Variants in BCLAF3 observed in about 807,000 individuals in gnomAD.
BCLAF3 encodes transient octamer binding factor 1.
In BCLAF3, 24 loss-of-function variants were observed where a neutral mutation model predicts 51.2. That is an observed-to-expected ratio of 0.47 (90% CI 0.34 to 0.66). The LOEUF is 0.66. BCLAF3 is among the 30% of genes least tolerant of loss of function. The probability of loss-of-function intolerance (pLI) is 0.01; values close to 1 mark genes in which losing one functional copy is unlikely to be tolerated. For missense variants in BCLAF3, 465 were observed against 525.1 expected (o/e 0.89, Z 1.12); for synonymous variants, 152 against 176.6 (o/e 0.86, Z 1.10).
intron 8 of BCLAF3, among the ~76,000 whole-genome samples, chrX:19,945,251 T>C (rs1345287825): frequency 9.2e-6 from 1 of 108,746 alleles, no homozygotes; most frequent in Non-Finnish European, 1.9e-5. Context: ...AATTTGATCG[T>C]CTGAAGCCTT....
In BCLAF3 at chrX:19,966,159, T is replaced by C. The variant is rs753347728; in HGVS notation, c.532A>G (p.Arg178Gly). 3.3e-6 allele frequency: 4 copies of C among 1,211,668 alleles called. No individual in the cohort carries two copies. The East Asian group carries it at 1.2e-4, about 36-fold the overall frequency. The change falls in exon 3 of 12, where the codon AGG (arginine) becomes GGG (glycine). Residue 178 changes from arginine (R) to glycine (G), a missense_variant. By Grantham distance (125) the Arg-to-Gly change is moderately radical (BLOSUM62 -2). Transcript: ENST00000379682. The part of the protein sequence containing the change: ...KWHEDELRHQ[R>G]IQEEKYSQST... ...TGGGAGTATTTTTCTTCTTGTATCC[T>C]CTGGTGCCTCAACTCATCTTCATGC...
At chrX:19,944,813 C>A (rs1364990716) in intron 8 of BCLAF3, among the ~76,000 whole-genome samples, 1 of 88,453 alleles carries the variant, frequency 1.1e-5, no homozygotes, top group Non-Finnish European at 2.1e-5. Context: ...TGAATCTGAA[C>A]ATTGGCCTGC....
chrX:19,946,263 C>T (rs777093535), intron 8 of BCLAF3, among the ~76,000 whole-genome samples: 4 of 112,401 alleles, frequency 3.6e-5, no homozygotes, highest in South Asian at 3.7e-4. Context: ...AGCTGTAGAC[C>T]GGGGCTGTTC....
chrX:19,969,466 A>G (rs1270307321), intron 2 of BCLAF3, among the ~76,000 whole-genome samples: 1 of 112,331 alleles, frequency 8.9e-6, no homozygotes, highest in Non-Finnish European at 1.9e-5. Context: ...TTCTGCCTTT[A>G]GAAGTTCTAC....
In BCLAF3 at chrX:19,915,393, T is replaced by C; in HGVS notation, c.*1912A>G. 8.9e-6 allele frequency: 1 copy of C among 112,092 alleles called. No individual in the cohort carries two copies. Among genetic ancestry groups the C allele is most frequent in the Non-Finnish European group, 1.9e-5 (1 of 53,236 alleles). 9.2% of individuals were successfully genotyped at this position (112,092 alleles called of 1,213,427 possible). On this transcript the variant is annotated 3_prime_UTR_variant, in exon 12 of 12. Coordinates refer to ENST00000379682, the MANE Select transcript of BCLAF3 (RefSeq NM_001367774.2). ...TTATTTTATACTCTAAATTATAAAG[T>C]TGGTTTTTCCTTTTAGGCTTTAGAT...
intron 11 of BCLAF3, among the ~76,000 whole-genome samples, chrX:19,925,034 T>A (rs976599232): frequency 9.0e-6 from 1 of 111,289 alleles, no homozygotes; most frequent in African/African-American, 3.3e-5. Context: ...GGTGCCACAA[T>A]GGAATATGAC....
intron 10 of BCLAF3, among the ~76,000 whole-genome samples, chrX:19,934,936 A>AGCTTTGGAAGGCT (rs1393321493): frequency 5.3e-5 from 6 of 112,213 alleles, no homozygotes; most frequent in African/African-American, 1.9e-4. Flanking sequence ...CTGTAATCCC[A>AGCTTTGGAAGGCT]GCACTTTGGA....
At chrX:19,964,184 C>T (rs759685853) in intron 4 of BCLAF3, among the ~76,000 whole-genome samples, 1 of 111,005 alleles carries the variant, frequency 9.0e-6, no homozygotes, top group South Asian at 3.8e-4. Flanking sequence ...TCAACATGGC[C>T]CCCCCCTTTT....
Position 19,965,700 on chromosome X carries a change from A to G in BCLAF3, c.618T>C (p.Pro206=), listed in dbSNP as rs1485736374. The change falls in exon 4 of 12, where the codon CCT becomes CCC. Residue 206 remains proline (P), a synonymous_variant. Coordinates refer to ENST00000379682, the MANE Select transcript of BCLAF3 (RefSeq NM_001367774.2). ...ETRSSFQKRY[P]EDRDFRKYGH... is the part of the protein sequence containing the mutation. ...CATATTTTCTGAAATCACGATCCTC[A>G]GGATACCTGTGTTGACATAAAGCAG... is the stretch of plus-strand genomic sequence containing the variant. The G allele has an allele frequency of 8.8e-7, 1 of 1,132,379 alleles. No individual in the cohort carries two copies. Among genetic ancestry groups the G allele is most frequent in the East Asian group, 3.0e-5 (1 of 33,008 alleles). The allele number at this position is 1,132,379 out of a possible 1,213,427, so 93.3% of individuals were successfully genotyped here. A position where few individuals can be genotyped will look rare whatever the true frequency, so the allele number is the denominator to read the frequency against.
chrX:19,968,292 G>A (rs1603335298), intron 2 of BCLAF3, among the ~76,000 whole-genome samples: 3 of 112,566 alleles, frequency 2.7e-5, no homozygotes, highest in African/African-American at 6.4e-5. Context: ...CCTTGCGAGC[G>A]CCCTGTGAGC....
In BCLAF3 at chrX:19,966,636, C is replaced by T; in HGVS notation, c.55G>A (p.Val19Ile). 1 of 1,207,723 alleles carries T rather than the reference C, an allele frequency of 8.3e-7. No homozygotes were observed. Reference sequence around the variant, plus strand: ...TTGTAGTGTTCAGCATTTCTAGGTACTGGTGATAAAGACCTATGTAAACAA... The same window carrying T: ...TTGTAGTGTTCAGCATTTCTAGGTATTGGTGATAAAGACCTATGTAAACAA... The part of the protein sequence containing the change: ...PRWKHRSLSP[V>I]PRNAEHYKQR... The change falls in exon 3 of 12, where the codon GTA (valine) becomes ATA (isoleucine). Residue 19 changes from valine to isoleucine, a missense_variant. Coordinates refer to ENST00000379682, the MANE Select transcript of BCLAF3 (RefSeq NM_001367774.2).
chrX:19,950,425 A>G (rs1332913428), intron 8 of BCLAF3, among the ~76,000 whole-genome samples: 1 of 112,437 alleles, frequency 8.9e-6, no homozygotes, highest in Non-Finnish European at 1.9e-5. Context: ...AGAATGTATC[A>G]GAGTTTCAAT....
At chrX:19,981,300 A>G (rs1280814302) in intron 1 of BCLAF3, among the ~76,000 whole-genome samples, 1 of 112,371 alleles carries the variant, frequency 8.9e-6, no homozygotes, top group Non-Finnish European at 1.9e-5. Context: ...ATCTTGGATC[A>G]GGAAATGATT....
At chrX:19,935,679 C>T in intron 10 of BCLAF3, 130 bp downstream of exon 10, 2 of 515,003 alleles carry the variant, frequency 3.9e-6, no homozygotes, top group South Asian at 3.7e-5. Flanking sequence ...TATAAATGTC[C>T]AGAAATACTA....
At position 19,913,773 on chromosome X, in the gene BCLAF3, G is replaced by A. The variant is rs1214443054; in HGVS notation, c.*3532C>T. ...CCATATTATAATTTTAAGACATGAC[G>A]TGACATGACACCTGGCCATGAATGA... On this transcript the variant is annotated 3_prime_UTR_variant, in exon 12 of 12. Transcript: ENST00000379682. 8.2e-5 allele frequency: 9 copies of A among 109,507 alleles called. No homozygotes were observed. Among genetic ancestry groups the A allele is most frequent in the African/African-American group, 2.4e-4 (7 of 29,139 alleles). 9.0% of individuals were successfully genotyped at this position (109,507 alleles called of 1,213,427 possible).
intron 2 of BCLAF3, among the ~76,000 whole-genome samples, chrX:19,968,151 GCA>G (rs1406361838): frequency 1.8e-5 from 2 of 112,685 alleles, no homozygotes; most frequent in African/African-American, 6.4e-5. Context: ...ATGTTTCATA[GCA>G]CAGTGTCCCT....
intron 4 of BCLAF3, among the ~76,000 whole-genome samples, chrX:19,963,893 T>C (rs561773824): frequency 1.8e-5 from 2 of 110,734 alleles, no homozygotes; most frequent in African/African-American, 6.6e-5. Flanking sequence ...CATGCACCTA[T>C]AGTCCTAGAT....
At position 19,916,032 on chromosome X, in the gene BCLAF3, C is replaced by T; in HGVS notation, c.*1273G>A. On this transcript the variant is annotated 3_prime_UTR_variant, in exon 12 of 12. Transcript: ENST00000379682. ...GAACTCACTTAAGGAAAAGGCTGCC[C>T]TCTCTTTTAAAGATATGGACAAGAA... The T allele has an allele frequency of 8.9e-6, 1 of 111,810 alleles. No individual in the cohort carries two copies. The allele number at this position is 111,810 out of a possible 1,213,427, so 9.2% of individuals were successfully genotyped here. A position where few individuals can be genotyped will look rare whatever the true frequency, so the allele number is the denominator to read the frequency against.
chrX:19,939,587 G>A (rs912626824), intron 8 of BCLAF3, among the ~76,000 whole-genome samples: 3 of 111,578 alleles, frequency 2.7e-5, no homozygotes, highest in African/African-American at 9.8e-5. Context: ...TAACTAGGAT[G>A]GCTATAACCA....
Sources: gnomAD v4.1 joint callset for allele counts (sites outside exome capture counted in the v4.1 genomes callset) on GRCh38, gnomAD v4.1.1 for gene constraint, MANE v1.5 for transcripts, NCBI Gene and HGNC (gene_info 2026-07-23, HGNC 2026-07-21) for gene names.